The following RHPN1 variants were observed in gnomAD, a reference collection of about 807,000 sequenced individuals.
The protein encoded by RHPN1 is rhophilin-1.
In RHPN1, 77 loss-of-function variants were observed where a neutral mutation model predicts 74.7. The ratio of observed to expected loss-of-function variants is 1.03; its 90% confidence interval spans 0.86 to 1.25. The LOEUF (loss-of-function observed/expected upper bound fraction) is 1.25, where lower values mean the gene tolerates loss of function less well. RHPN1 is among the 50% of genes most tolerant of loss of function. The pLI, the probability that RHPN1 is intolerant of heterozygous loss-of-function variation, is 0.00. For synonymous variants in RHPN1, 444 were observed against 414.5 expected, an observed-to-expected ratio of 1.07 and a Z score of -0.87; for missense variants, 987 against 932.2, an observed-to-expected ratio of 1.06 and a Z score of -0.77.
rs755498408 is a variant in RHPN1, at chr8:143,379,977, A to G, written c.1094A>G (p.Asp365Gly). 6.4e-7 allele frequency: 1 copy of G among 1,562,760 alleles called. No homozygotes were observed. Among genetic ancestry groups the G allele is most frequent in the African/African-American group, 1.4e-5 (1 of 73,600 alleles). ...TACCACGTAGCCATGGCCCTCTGCG[A>G]CGGCTCCCGTGAGTGCCCACCACAC... ...AHYHVAMALC[D>G]GSPATEGELP... The change falls in exon 9 of 15, where the codon GAC becomes GGC. Residue 365 changes from aspartate (D) to glycine (G), a missense_variant. By Grantham distance (94) the Asp-to-Gly change is moderately conservative. Coordinates refer to ENST00000289013, the MANE Select transcript of RHPN1 (RefSeq NM_052924.3).
In RHPN1 at chr8:143,378,362, G is replaced by A. The variant is rs372678569; in HGVS notation, c.459+16G>A. The stretch of plus-strand genomic sequence containing the variant: ...CCTGCGGCAGGTGTGTGGTTCCCCC[G>A]CCCACCCACCCTCCTGCAGCCCTGG... On this transcript the variant is annotated intron_variant, in intron 5 of 14. Coordinates refer to ENST00000289013, the MANE Select transcript of RHPN1 (RefSeq NM_052924.3). 1.5e-4 allele frequency: 209 copies of A among 1,401,366 alleles called. No homozygotes were observed. The African/African-American group carries it at 2.8e-3, about 18-fold the overall frequency. 86.8% of individuals were successfully genotyped at this position (1,401,366 alleles called of 1,614,324 possible).
rs373514738 is a variant in RHPN1, at chr8:143,380,223, C to T, written c.1216+48C>T. On this transcript the variant is annotated intron_variant, in intron 10 of 14. Coordinates refer to ENST00000289013, the MANE Select transcript of RHPN1 (RefSeq NM_052924.3). Reference sequence around the variant, plus strand: ...GCCCTGGGGCTCAGATGGTCACCAACGGTGGCAGGGTGTCCCCCACCACCC... The same window carrying T: ...GCCCTGGGGCTCAGATGGTCACCAATGGTGGCAGGGTGTCCCCCACCACCC... The T allele has an allele frequency of 2.7e-4, 351 of 1,314,174 alleles. No individual in the cohort carries two copies. In the African/African-American group the frequency reaches 3.7e-3, roughly 14 times the overall value. The allele number at this position is 1,314,174 out of a possible 1,614,324, so 81.4% of individuals were successfully genotyped here.
At chr8:143,377,806 G>T (rs1203279854) in intron 4 of RHPN1, among the ~76,000 whole-genome samples, 1 of 152,176 alleles carries the variant, frequency 6.6e-6, no homozygotes, top group African/African-American at 2.4e-5. Context: ...CACTGGCTTG[G>T]GGCCACACAC....
intron 1 of RHPN1, among the ~76,000 whole-genome samples, chr8:143,375,221 C>T (rs909118851): frequency 6.6e-5 from 10 of 152,020 alleles, no homozygotes; most frequent in Non-Finnish European, 1.3e-4. Context: ...GCAGGGCTCC[C>T]GGAGCCCCTA....
At position 143,382,673 on chromosome 8, in the gene RHPN1, T is replaced by C. The variant is rs548208686; in HGVS notation, c.*22T>C. 1.4e-5 allele frequency: 22 copies of C among 1,587,224 alleles called. 2 individuals are homozygous for C. In the South Asian group the frequency reaches 2.2e-4, roughly 16 times the overall value. ...GTGAGGGCCAGGATCCCTGCACGCC[T>C]CAGCCCTGGCTCCAGCTGGCAGCAA... On this transcript the variant is annotated 3_prime_UTR_variant, in exon 15 of 15. Coordinates refer to ENST00000289013, the MANE Select transcript of RHPN1 (RefSeq NM_052924.3).
upstream of RHPN1, chr8:143,368,684 T>A (rs1171046425): frequency 4.3e-6 from 1 of 230,314 alleles, no homozygotes; most frequent in Non-Finnish European, 8.4e-6. Flanking sequence ...GGGGTTACCG[T>A]CCCGCGGGCG....
upstream of RHPN1, among the ~76,000 whole-genome samples, chr8:143,364,610 C>T (rs1388782463): frequency 6.6e-6 from 1 of 151,338 alleles, no homozygotes; most frequent in Non-Finnish European, 1.5e-5. The surrounding 1 kb of genome is among the most constrained non-coding windows in gnomAD (Gnocchi z 4.5). Context: ...TTTTTAACAA[C>T]TCTTATTTTC....
rs869290973 is a variant in RHPN1, at chr8:143,373,559, TG to T, written c.61-1989del. Among the ~76,000 whole-genome samples, 8 of 42,266 alleles carry T rather than the reference TG, an allele frequency of 1.9e-4. 3 individuals are homozygous for T. The African/African-American group carries it at 2.2e-3, about 11-fold the overall frequency. 27.7% of individuals were successfully genotyped at this position (42,266 alleles called of 152,430 possible). A position where few individuals can be genotyped will look rare whatever the true frequency, so the allele number is the denominator to read the frequency against. ...GGTTCCAGGGGACGGGGCGGGGATTTGGGGGATGGCGTGGGTTCCAGGGGAC... is the reference window on the plus strand; with the variant it reads ...GGTTCCAGGGGACGGGGCGGGGATTTGGGGATGGCGTGGGTTCCAGGGGAC... On this transcript the variant is annotated intron_variant, in intron 1 of 14. Transcript: ENST00000289013.
At chr8:143,368,553 G>C (rs1436767311), upstream of RHPN1, 1 of 153,158 alleles carries the variant, frequency 6.5e-6, no homozygotes, top group Non-Finnish European at 1.5e-5. Context: ...TCTCAGCTTG[G>C]GACGTTCCGT....
At chr8:143,379,182 CAGGT>C in intron 7 of RHPN1, 104 bp downstream of exon 7, 2 of 1,387,420 alleles carry the variant, frequency 1.4e-6, no homozygotes, top group Non-Finnish European at 1.9e-6. Context: ...ATCAGTCCCT[CAGGT>C]AGGGGGAGTG....
rs551860553 is a variant in RHPN1 at position 143,376,510 on chromosome 8, C to T, written c.177-15C>T. 67 of 1,611,266 alleles carry T rather than the reference C, an allele frequency of 4.2e-5. 7 individuals are homozygous for T. In the Admixed American group the frequency reaches 4.2e-4, roughly 10 times the overall value. ...GCCTTGGGGCTGGGCTTTCAACTGC[C>T]GCGGCCTCCCTCAGAGCCACCAGCA... On this transcript the variant is annotated splice_polypyrimidine_tract_variant and intron_variant, in intron 2 of 14. Coordinates refer to ENST00000289013, the MANE Select transcript of RHPN1 (RefSeq NM_052924.3).
chr8:143,367,953 CTGTGCAGT>C (rs923905189), upstream of RHPN1: 2 of 152,380 alleles, frequency 1.3e-5, no homozygotes, highest in African/African-American at 4.8e-5. Flanking sequence ...CCGCAGGGAG[CTGTGCAGT>C]CTCAGGTCGT....
At chr8:143,375,173 G>A (rs766012277) in intron 1 of RHPN1, among the ~76,000 whole-genome samples, 5 of 152,196 alleles carry the variant, frequency 3.3e-5, no homozygotes, top group Non-Finnish European at 5.9e-5. Context: ...ATCCAGAAGC[G>A]CAGAAGGAAG....
At chr8:143,375,956 T>C (rs1412046022) in intron 2 of RHPN1, among the ~76,000 whole-genome samples, 1 of 152,168 alleles carries the variant, frequency 6.6e-6, no homozygotes, top group African/African-American at 2.4e-5. Flanking sequence ...AGAAGAGGCA[T>C]GGTTGAGGCT....
chr8:143,364,774 G>A (rs1329226074), upstream of RHPN1, among the ~76,000 whole-genome samples: 2 of 152,078 alleles, frequency 1.3e-5, no homozygotes, highest in Admixed American at 6.5e-5. This position sits in a 1 kb window ranked among gnomAD's most constrained non-coding sequence, Gnocchi z 4.5. Flanking sequence ...GCTTTCTCAC[G>A]AACATAACAC....
intron 1 of RHPN1, among the ~76,000 whole-genome samples, chr8:143,370,751 TGGCAC>T (rs1817768287): frequency 6.6e-6 from 1 of 152,226 alleles, no homozygotes; most frequent in African/African-American, 2.4e-5. Context: ...GGGAGAAGCC[TGGCAC>T]GGCCCAGGGT....
At chr8:143,366,352 A>G (rs1817555644), upstream of RHPN1, among the ~76,000 whole-genome samples, 1 of 152,132 alleles carries the variant, frequency 6.6e-6, no homozygotes, top group Admixed American at 6.5e-5. Flanking sequence ...TGCACAATAC[A>G]CATGTAACAA....
rs1315826485 is a variant in RHPN1 at position 143,378,972 on chromosome 8, C to T, written c.645C>T (p.Ser215=). 4 of 1,564,440 alleles carry T rather than the reference C, an allele frequency of 2.6e-6. No homozygotes were observed. Among genetic ancestry groups the T allele is most frequent in the South Asian group, 1.2e-5 (1 of 84,864 alleles). Residue 215 remains serine (S), a synonymous_variant, in exon 7 of 15, where the codon AGC becomes AGT. Coordinates refer to ENST00000289013, the MANE Select transcript of RHPN1 (RefSeq NM_052924.3). ...QQRALAFEKG[S]VLFNIGALHT... ...GTGCCCTGGCCTTCGAGAAGGGCAG[C>T]GTTCTCTTCAACATCGGTGCCCTCC...
At position 143,381,913 on chromosome 8, in the gene RHPN1, C is replaced by T. The variant is rs774554008; in HGVS notation, c.1742C>T (p.Ala581Val). 1.3e-5 allele frequency: 21 copies of T among 1,611,066 alleles called. No homozygotes were observed. The highest frequency in any genetic ancestry group is 1.7e-5 in the Non-Finnish European group (20 of 1,179,226). ...ACGGAGCTGAAGGCTGCGGGAGAGG[C>T]GGGCGCCAGCCTGCAGGTGGTGTCG... ...VVTELKAAGE[A>V]GASLQVVSLL... Residue 581 changes from alanine (A) to valine (V), a missense_variant, in exon 14 of 15, where the codon GCG becomes GTG. By Grantham distance (64) the Ala-to-Val change is moderately conservative. Coordinates refer to ENST00000289013, the MANE Select transcript of RHPN1 (RefSeq NM_052924.3).
Sources: allele counts gnomAD v4.1 joint callset (sites outside exome capture counted in the v4.1 genomes callset), GRCh38; gene constraint gnomAD v4.1.1; non-coding constraint Gnocchi (gnomAD v3.1); transcripts MANE v1.5; gene names NCBI Gene and HGNC (gene_info 2026-07-23, HGNC 2026-07-21).